The following FAT3 variants were observed in gnomAD, a reference collection of about 807,000 sequenced individuals.
FAT3 encodes FAT atypical cadherin 3, also known as protocadherin Fat 3.
In FAT3, 95 loss-of-function variants were observed where a neutral mutation model predicts 310.2. The ratio of observed to expected loss-of-function variants is 0.31; its 90% CI spans 0.26 to 0.36. The LOEUF (loss-of-function observed/expected upper bound fraction) is 0.36, where lower values mean the gene tolerates loss of function less well. FAT3 is among the 10% of genes least tolerant of loss of function. The pLI is 1.00. For missense variants in FAT3, 5,408 were observed against 5,715.6 expected (o/e 0.95, Z 1.74); for synonymous variants, 2,314 against 2,192.9 (o/e 1.06, Z -1.54).
chr11:92,457,605 A>G (rs1951523903), intron 2 of FAT3, among the ~76,000 whole-genome samples: 1 of 152,208 alleles, frequency 6.6e-6, no homozygotes, highest in Non-Finnish European at 1.5e-5. Flanking sequence ...ACTGTATTTA[A>G]TATAACCATA....
At chr11:92,716,097 C>G (rs528086461) in intron 4 of FAT3, among the ~76,000 whole-genome samples, 2 of 152,204 alleles carry the variant, frequency 1.3e-5, no homozygotes, top group South Asian at 2.1e-4. Flanking sequence ...GGGATCAGAC[C>G]AGCTGGTTAA....
intron 4 of FAT3, among the ~76,000 whole-genome samples, chr11:92,734,967 G>A (rs1257572092): frequency 6.6e-6 from 1 of 152,072 alleles, no homozygotes; most frequent in Non-Finnish European, 1.5e-5. Flanking sequence ...ACTAAGGTAG[G>A]GGATGGAGAA....
chr11:92,822,262 T>C (rs61901946), intron 13 of FAT3, among the ~76,000 whole-genome samples: 16,974 of 151,932 alleles, frequency 0.11, 1,344 homozygotes, highest in Non-Finnish European at 0.17. Flanking sequence ...AGTGGTTCTT[T>C]CGCAGAAGCT....
chr11:92,655,767 C>T (rs7936816), intron 3 of FAT3, among the ~76,000 whole-genome samples: 4,153 of 152,170 alleles, frequency 0.027, 206 homozygotes, highest in African/African-American at 0.094. Flanking sequence ...CCTTTATTGC[C>T]GTCAATGGAC....
chr11:92,807,784 G>A (rs993916896), intron 12 of FAT3, among the ~76,000 whole-genome samples: 6 of 152,194 alleles, frequency 3.9e-5, no homozygotes, highest in African/African-American at 1.4e-4. Flanking sequence ...GCAAGGTTAT[G>A]TAAGCTAAAG....
At chr11:92,372,639 G>A (rs7930003) in intron 2 of FAT3, among the ~76,000 whole-genome samples, 42,412 of 151,522 alleles carry the variant, frequency 0.28, 8,842 homozygotes, top group African/African-American at 0.59. Flanking sequence ...AGCACTTTGC[G>A]TTCTTTGATT....
chr11:92,465,741 A>G (rs116868840), intron 2 of FAT3, among the ~76,000 whole-genome samples: 1,761 of 152,280 alleles, frequency 0.012, 24 homozygotes, highest in South Asian at 0.017. Flanking sequence ...GAGGGATAGC[A>G]TTCGGAGAAA....
At chr11:92,245,799 A>C (rs1025785069) in intron 1 of FAT3, among the ~76,000 whole-genome samples, 3 of 152,048 alleles carry the variant, frequency 2.0e-5, no homozygotes, top group Non-Finnish European at 4.4e-5. Flanking sequence ...GTAGTTTGCA[A>C]CCCCTGCTTT....
chr11:92,651,767 C>T lies in FAT3; in HGVS notation c.3608-45617C>T, dbSNP rs186360264. ...CTTCCCCCAGATTGTGTAGGGAATG[C>T]GAATCCACCAGGTCACCATTTGTCT... On this transcript the variant is annotated intron_variant, in intron 3 of 27. Transcript: ENST00000525166. Among the ~76,000 whole-genome samples, 232 of 152,114 alleles carry T rather than the reference C, an allele frequency of 1.5e-3. 1 individual carries two copies. Among genetic ancestry groups the T allele is most frequent in the African/African-American group, 5.1e-3 (213 of 41,506 alleles).
chr11:92,806,875 G>A (rs1046113077), intron 12 of FAT3, among the ~76,000 whole-genome samples: 1 of 152,056 alleles, frequency 6.6e-6, no homozygotes, highest in Non-Finnish European at 1.5e-5. Flanking sequence ...TAATCTGGAG[G>A]GCATCCATTA....
At chr11:92,458,109 T>C (rs1026171985) in intron 2 of FAT3, among the ~76,000 whole-genome samples, 1 of 152,142 alleles carries the variant, frequency 6.6e-6, no homozygotes, top group Non-Finnish European at 1.5e-5. Flanking sequence ...TATTGCCTAT[T>C]GTTAGGTTGT....
chr11:92,400,431 C>G (rs1949986877), intron 2 of FAT3: 1 of 152,006 alleles, frequency 6.6e-6, no homozygotes, highest in African/African-American at 2.4e-5. Flanking sequence ...ACCTAATATT[C>G]AGAAGATAAG....
chr11:92,800,286 G>T lies in FAT3; in HGVS notation c.7273G>T (p.Asp2425Tyr). ...ACAAGCCTCTGATGCAGACAGCTCT[G>T]ATTTTGACCGGTTGGAATATAGCAT... ...CVQASDADSS[D>Y]FDRLEYSILS... is the part of the protein sequence containing the mutation. The change falls in exon 10 of 28, where the codon GAT becomes TAT. Residue 2425 changes from aspartate to tyrosine, a missense_variant. By Grantham distance (160) the Asp-to-Tyr change is radical. Transcript: ENST00000525166. 6.2e-7 allele frequency: 1 copy of T among 1,613,916 alleles called. No homozygotes were observed. Among genetic ancestry groups the T allele is most frequent in the African/African-American group, 1.3e-5 (1 of 75,050 alleles).
rs117917749 is a variant in FAT3 at position 92,869,081 on chromosome 11, C to T, written c.12127+1872C>T. Among the ~76,000 whole-genome samples, 30 of 152,320 alleles carry T rather than the reference C, an allele frequency of 2.0e-4. No individual in the cohort carries two copies. The East Asian group carries it at 4.1e-3, about 21-fold the overall frequency. ...GATTGGGCATTGGATCAGGATTCTA[C>T]AACAGGTATTCTTTCTTCCAAGGAG... On this transcript the variant is annotated intron_variant, in intron 22 of 27. Transcript: ENST00000525166.
Position 92,353,462 on chromosome 11 carries a change from G to T in FAT3, c.1350G>T (p.Lys450Asn), listed in dbSNP as rs1948629403. 1 of 1,613,376 alleles carries T rather than the reference G, an allele frequency of 6.2e-7. No homozygotes were observed. The highest frequency in any genetic ancestry group is 1.7e-5 in the Admixed American group (1 of 59,824). ...KEVYKLEVTN[K>N]EGDLKAQVTI... ...TTTATAAACTGGAGGTGACAAACAA[G>T]GAAGGAGATTTAAAAGCACAGGTCA... The change falls in exon 2 of 28, where the codon AAG becomes AAT. Residue 450 changes from lysine (K) to asparagine (N), a missense_variant. Physicochemically the swap from Lys to Asn is moderately conservative, Grantham distance 94. Coordinates refer to ENST00000525166, the MANE Select transcript of FAT3 (RefSeq NM_001367949.2).
At chr11:92,494,729 C>T (rs1219372102) in intron 2 of FAT3, among the ~76,000 whole-genome samples, 1 of 152,006 alleles carries the variant, frequency 6.6e-6, no homozygotes, top group African/African-American at 2.4e-5. Context: ...ACCTGCCCTC[C>T]TTGCCAGTAT....
chr11:92,541,639 G>T (rs542937461), intron 3 of FAT3, among the ~76,000 whole-genome samples: 3 of 152,116 alleles, frequency 2.0e-5, no homozygotes, highest in Non-Finnish European at 4.4e-5. Context: ...GGGAATTGCA[G>T]TATCAAGTTT....
intron 1 of FAT3, among the ~76,000 whole-genome samples, chr11:92,236,693 C>T (rs1864432719): frequency 1.3e-5 from 2 of 152,144 alleles, no homozygotes; most frequent in South Asian, 4.1e-4. Context: ...GTACACTGCA[C>T]ATAATTCATA....
chr11:92,455,314 ACT>A (rs1322182163), intron 2 of FAT3, among the ~76,000 whole-genome samples: 3 of 152,130 alleles, frequency 2.0e-5, no homozygotes, highest in Non-Finnish European at 4.4e-5. Context: ...AAACATGATG[ACT>A]CTCTCTGTTC....
Sources: gnomAD v4.1 joint callset for allele counts (sites outside exome capture counted in the v4.1 genomes callset) on GRCh38, gnomAD v4.1.1 for gene constraint, MANE v1.5 for transcripts, NCBI Gene and HGNC (gene_info 2026-07-23, HGNC 2026-07-21) for gene names.